The following SLC25A26 variants were observed in gnomAD, a reference collection of about 807,000 sequenced individuals.
SLC25A26 encodes mitochondrial S-adenosylmethionine carrier protein.
In SLC25A26, 36 loss-of-function variants were observed where a neutral mutation model predicts 37.8. The observed-to-expected ratio is 0.95, with a 90% CI of 0.73 to 1.26. The LOEUF is 1.26. SLC25A26 is among the 50% of genes most tolerant of loss of function. The probability of loss-of-function intolerance (pLI) is 0.00; values close to 1 mark genes in which losing one functional copy is unlikely to be tolerated. For missense variants in SLC25A26, 390 were observed against 331.1 expected (o/e 1.18, Z -1.38); for synonymous variants, 129 against 122.5 (o/e 1.05, Z -0.35).
At chr3:66,357,381 T>A (rs1372126787) in intron 6 of SLC25A26, among the ~76,000 whole-genome samples, 3 of 152,226 alleles carry the variant, frequency 2.0e-5, no homozygotes, top group African/African-American at 7.2e-5. Flanking sequence ...TTCACTGCAC[T>A]CCAGCCTGGG....
At chr3:66,189,452 T>C (rs2070894014) in intron 1 of SLC25A26, among the ~76,000 whole-genome samples, 1 of 152,078 alleles carries the variant, frequency 6.6e-6, no homozygotes, top group Non-Finnish European at 1.5e-5. Context: ...TCCCTGTCTG[T>C]GACCCCCTCT....
At chr3:66,322,198 A>G (rs955103832) in intron 5 of SLC25A26, among the ~76,000 whole-genome samples, 7 of 152,186 alleles carry the variant, frequency 4.6e-5, no homozygotes, top group Non-Finnish European at 7.3e-5. Flanking sequence ...CACATTTAGG[A>G]TACAGCAAAG....
intron 1 of SLC25A26, among the ~76,000 whole-genome samples, chr3:66,178,241 C>G (rs2070627802): frequency 6.6e-6 from 1 of 152,114 alleles, no homozygotes; most frequent in Non-Finnish European, 1.5e-5. Context: ...GGTGACTGAG[C>G]CCCAGGGAAG....
intron 1 of SLC25A26, among the ~76,000 whole-genome samples, chr3:66,168,817 G>A (rs1182194588): frequency 6.6e-6 from 1 of 152,206 alleles, no homozygotes; most frequent in Non-Finnish European, 1.5e-5. Context: ...TTTCCTGATA[G>A]GGTATTTGAT....
intron 1 of SLC25A26, among the ~76,000 whole-genome samples, chr3:66,167,104 T>A (rs563477609): frequency 6.6e-6 from 1 of 152,220 alleles, no homozygotes; most frequent in Non-Finnish European, 1.5e-5. Context: ...ATTAAATCTC[T>A]TTTTCCTTAT....
intron 3 of SLC25A26, among the ~76,000 whole-genome samples, chr3:66,248,973 T>C (rs1389922982): frequency 1.3e-5 from 2 of 152,194 alleles, no homozygotes; most frequent in African/African-American, 2.4e-5. Flanking sequence ...ACATAAAACA[T>C]CTGAACTTAC....
intron 5 of SLC25A26, among the ~76,000 whole-genome samples, chr3:66,317,351 C>T (rs916472456): frequency 5.9e-5 from 9 of 152,120 alleles, no homozygotes; most frequent in Non-Finnish European, 1.2e-4. Context: ...TTTTAGCAGT[C>T]AGGCCCCTCT....
intron 1 of SLC25A26, among the ~76,000 whole-genome samples, chr3:66,170,248 CTG>C (rs776672216): frequency 6.6e-6 from 1 of 152,214 alleles, no homozygotes; most frequent in Non-Finnish European, 1.5e-5. Context: ...GCTAATTTCT[CTG>C]TTGTCCAAAA....
chr3:66,193,722 A>G (rs1260854358), intron 1 of SLC25A26, among the ~76,000 whole-genome samples: 2 of 152,168 alleles, frequency 1.3e-5, no homozygotes, highest in African/African-American at 4.8e-5. Flanking sequence ...GCTATTACCT[A>G]AGAAAACAGC....
At chr3:66,355,531 G>A (rs1477894898) in intron 6 of SLC25A26, among the ~76,000 whole-genome samples, 2 of 152,244 alleles carry the variant, frequency 1.3e-5, no homozygotes, top group East Asian at 1.9e-4. Flanking sequence ...CCACTAGCTC[G>A]TATTGCAAGA....
chr3:66,234,331 C>G (rs182787031), intron 1 of SLC25A26, among the ~76,000 whole-genome samples: 1 of 152,304 alleles, frequency 6.6e-6, no homozygotes, highest in East Asian at 1.9e-4. Flanking sequence ...TTTTACTTTC[C>G]TACATTACTT....
chr3:66,206,370 A>G (rs1291519000), intron 1 of SLC25A26, among the ~76,000 whole-genome samples: 4 of 152,148 alleles, frequency 2.6e-5, no homozygotes, highest in African/African-American at 9.7e-5. Flanking sequence ...ACATATGGCT[A>G]TTTAGGATTA....
chr3:66,163,559 A>G (rs561407188), intron 1 of SLC25A26, among the ~76,000 whole-genome samples: 2 of 152,334 alleles, frequency 1.3e-5, no homozygotes, highest in African/African-American at 4.8e-5. Flanking sequence ...ACAGATCAAG[A>G]AATCATTCTC....
intron 1 of SLC25A26, among the ~76,000 whole-genome samples, chr3:66,234,173 A>T (rs36149609): frequency 0.57 from 87,335 of 152,048 alleles, 27,615 homozygotes; most frequent in Middle Eastern, 0.83. Context: ...GCTCACTGTA[A>T]TCTCAAATTC....
At chr3:66,371,340 A>C in intron 9 of SLC25A26, 1 of 1,546,854 alleles carries the variant, frequency 6.5e-7, no homozygotes, top group Non-Finnish European at 8.7e-7. Context: ...TGGATCACTT[A>C]TGTGATTGTA....
At chr3:66,158,174 G>A (rs893567026) in intron 1 of SLC25A26, among the ~76,000 whole-genome samples, 2 of 152,168 alleles carry the variant, frequency 1.3e-5, no homozygotes, top group African/African-American at 2.4e-5. Flanking sequence ...TTGAGAGTAC[G>A]GCAGCCTTTT....
At chr3:66,234,138 G>A (rs1411711488) in intron 1 of SLC25A26, among the ~76,000 whole-genome samples, 1 of 152,176 alleles carries the variant, frequency 6.6e-6, no homozygotes, top group Non-Finnish European at 1.5e-5. Context: ...CAGGAGCGTG[G>A]TGGCTATTCA....
chr3:66,180,196 G>A (rs1174724531), intron 1 of SLC25A26, among the ~76,000 whole-genome samples: 1 of 152,156 alleles, frequency 6.6e-6, no homozygotes, highest in African/African-American at 2.4e-5. Flanking sequence ...GTTATGAGCA[G>A]ACCTAAACAG....
intron 9 of SLC25A26, among the ~76,000 whole-genome samples, chr3:66,372,578 TTATC>T (rs1700404511): frequency 6.6e-6 from 1 of 152,190 alleles, no homozygotes. Context: ...TTTTTTTTGC[TTATC>T]TATCTTCGGA....
Sources: gnomAD v4.1 joint callset for allele counts (sites outside exome capture counted in the v4.1 genomes callset) on GRCh38, gnomAD v4.1.1 for gene constraint, MANE v1.5 for transcripts, NCBI Gene and HGNC (gene_info 2026-07-23, HGNC 2026-07-21) for gene names.